NRXN1: variants seen among roughly 807,000 people sequenced by gnomAD.
The protein encoded by NRXN1 is neurexin 1.
Under a neutral mutation model 150.9 loss-of-function variants are expected in NRXN1, and 39 were observed. The ratio of observed to expected loss-of-function variants is 0.26; its 90% confidence interval spans 0.20 to 0.34. The LOEUF (loss-of-function observed/expected upper bound fraction) is 0.34. NRXN1 is among the 10% of genes least tolerant of loss of function. The pLI, the probability that NRXN1 is intolerant of heterozygous loss-of-function variation, is 1.00. For synonymous variants in NRXN1, 924 were observed against 757.0 expected, an observed-to-expected ratio of 1.22 and a Z score of -3.62; for missense variants, 1,815 against 1,949.9, an observed-to-expected ratio of 0.93 and a Z score of 1.30.
intron 21 of NRXN1, among the ~76,000 whole-genome samples, chr2:49,951,541 T>C (rs1442356773): frequency 1.3e-5 from 2 of 151,998 alleles, no homozygotes; most frequent in East Asian, 3.9e-4. Flanking sequence ...CTGCTGGTAA[T>C]GGAGTAGAGG....
intron 17 of NRXN1, among the ~76,000 whole-genome samples, chr2:50,464,854 C>A (rs1446976350): frequency 1.3e-5 from 2 of 151,736 alleles, no homozygotes; most frequent in African/African-American, 4.8e-5. Flanking sequence ...AGCAGATATG[C>A]CATGATATAA....
chr2:50,305,394 T>A (rs558063864), intron 17 of NRXN1, among the ~76,000 whole-genome samples: 38 of 152,340 alleles, frequency 2.5e-4, no homozygotes, highest in African/African-American at 8.7e-4. Context: ...AGCCATTTAA[T>A]TTTGTAAACA....
intron 17 of NRXN1, among the ~76,000 whole-genome samples, chr2:50,400,256 T>C (rs1170267947): frequency 3.3e-5 from 5 of 152,120 alleles, no homozygotes; most frequent in African/African-American, 1.2e-4. Flanking sequence ...CATATTCCAA[T>C]ATGTGTAAGA....
intron 17 of NRXN1, among the ~76,000 whole-genome samples, chr2:50,358,458 C>T (rs1181727951): frequency 6.6e-6 from 1 of 152,216 alleles, no homozygotes; most frequent in Non-Finnish European, 1.5e-5. Context: ...GTAAACAAAG[C>T]TCGTGGGAAG....
chr2:50,699,469 G>A (rs12620175), intron 5 of NRXN1, among the ~76,000 whole-genome samples: 6,822 of 152,066 alleles, frequency 0.045, 380 homozygotes, highest in East Asian at 0.16. Flanking sequence ...GGAGAGAAGT[G>A]GCAGAAGGGG....
In NRXN1 at chr2:50,249,785, G is replaced by A. The variant is rs375486855; in HGVS notation, c.3365-12815C>T. The stretch of plus-strand genomic sequence containing the variant: ...CCCAAGTAGCTGGGATCATAGATAC[G>A]CGCCACTATGGCTGTCAAATTTTTA... On this transcript the variant is annotated intron_variant, in intron 17 of 22. Coordinates refer to ENST00000401669, the MANE Select transcript of NRXN1 (RefSeq NM_001330078.2). Among the ~76,000 whole-genome samples, 105 of 151,944 alleles carry A rather than the reference G, an allele frequency of 6.9e-4. 1 individual carries two copies. Among genetic ancestry groups the A allele is most frequent in the African/African-American group, 2.1e-3 (86 of 41,452 alleles).
intron 5 of NRXN1, among the ~76,000 whole-genome samples, chr2:50,904,483 G>A (rs1218476926): frequency 1.3e-5 from 2 of 152,100 alleles, no homozygotes; most frequent in Non-Finnish European, 2.9e-5. Context: ...GAATGGGACC[G>A]TGTGGAAACT....
chr2:49,943,892 A>G, intron 21 of NRXN1, 101 bp from the exon 22 acceptor site: 1 of 843,900 alleles, frequency 1.2e-6, no homozygotes. Context: ...TTATCAAGAA[A>G]CCAAATTCAC....
At chr2:50,170,600 A>T (rs72887704) in intron 18 of NRXN1, among the ~76,000 whole-genome samples, 7,595 of 152,174 alleles carry the variant, frequency 0.05, 635 homozygotes, top group African/African-American at 0.17. Flanking sequence ...CACAGCCATC[A>T]TTAGAGCTGG....
chr2:50,622,009 T>C (rs967889855), intron 6 of NRXN1, among the ~76,000 whole-genome samples: 1 of 152,100 alleles, frequency 6.6e-6, no homozygotes, highest in African/African-American at 2.4e-5. Flanking sequence ...TCTGTGCTTC[T>C]CTCAAATGAG....
intron 19 of NRXN1, among the ~76,000 whole-genome samples, chr2:50,057,704 C>G (rs2152635919): frequency 6.6e-6 from 1 of 152,276 alleles, no homozygotes; most frequent in South Asian, 2.1e-4. Flanking sequence ...GTTCTGGTAG[C>G]TTCTGTTGCA....
intron 5 of NRXN1, chr2:50,918,510 C>G (rs2104226418): frequency 2.8e-6 from 1 of 360,956 alleles, no homozygotes; most frequent in East Asian, 3.7e-5. Flanking sequence ...ATCAAAGTGC[C>G]AACATTCGCT....
In NRXN1 at chr2:49,974,854, C is replaced by T. The variant is rs553917778; in HGVS notation, c.4129-31063G>A. 4.7e-5 allele frequency among the ~76,000 whole-genome samples: 7 copies of T among 150,518 alleles called. No individual in the cohort carries two copies. In the South Asian group the frequency reaches 1.5e-3, roughly 32 times the overall value. On this transcript the variant is annotated intron_variant, in intron 21 of 22. Transcript: ENST00000401669. ...CAATCATTAAAAATAAAAACAAGCA[C>T]CAAAAGATGCACATCCTGTTTCCCA... is the stretch of plus-strand genomic sequence containing the variant.
chr2:50,153,560 T>G (rs924716489), intron 18 of NRXN1, among the ~76,000 whole-genome samples: 2 of 151,894 alleles, frequency 1.3e-5, no homozygotes, highest in Admixed American at 6.6e-5. Flanking sequence ...GGGATCAGCC[T>G]GAGCTATAAA....
chr2:50,725,231 T>C (rs556813085), intron 5 of NRXN1, among the ~76,000 whole-genome samples: 66 of 152,014 alleles, frequency 4.3e-4, no homozygotes, highest in African/African-American at 1.4e-3. Context: ...CTATTAAATG[T>C]GTTGGTTGGT....
intron 5 of NRXN1, among the ~76,000 whole-genome samples, chr2:50,794,944 T>C (rs912420783): frequency 2.6e-5 from 4 of 152,124 alleles, no homozygotes; most frequent in Non-Finnish European, 5.9e-5. Context: ...CAAATCACTT[T>C]CATAAATGAC....
chr2:50,320,196 T>A (rs1456143695), intron 17 of NRXN1, among the ~76,000 whole-genome samples: 1 of 149,810 alleles, frequency 6.7e-6, no homozygotes. Flanking sequence ...GGGTCTTGAA[T>A]GATAATATTT....
intron 18 of NRXN1, among the ~76,000 whole-genome samples, chr2:50,093,374 G>A (rs533187082): frequency 2.5e-4 from 38 of 151,808 alleles, no homozygotes; most frequent in Non-Finnish European, 5.0e-4. Context: ...CCAGCAGTTT[G>A]GGAGGCCAAG....
At chr2:50,920,430 T>G (rs1685844993) in intron 5 of NRXN1, among the ~76,000 whole-genome samples, 1 of 151,792 alleles carries the variant, frequency 6.6e-6, no homozygotes, top group Non-Finnish European at 1.5e-5. Context: ...TTTTAAGAGT[T>G]ACTTTTTCAC....
Sources: gnomAD v4.1 joint callset for allele counts (sites outside exome capture counted in the v4.1 genomes callset) on GRCh38, gnomAD v4.1.1 for gene constraint, MANE v1.5 for transcripts, NCBI Gene and HGNC (gene_info 2026-07-23, HGNC 2026-07-21) for gene names.